BCR: variants seen among roughly 807,000 people sequenced by gnomAD.
The protein encoded by BCR is breakpoint cluster region protein.
In BCR, 58 loss-of-function variants were observed where a neutral mutation model predicts 138.6. The ratio of observed to expected loss-of-function variants is 0.42; its 90% confidence interval spans 0.34 to 0.52. The LOEUF (loss-of-function observed/expected upper bound fraction) is 0.52, where lower values mean the gene tolerates loss of function less well. Among genes scored for constraint, BCR ranks in the 20% least tolerant of loss-of-function variants. BCR has a pLI of 0.06. For synonymous variants in BCR, 786 were observed against 730.1 expected (o/e 1.08, Z -1.23); for missense variants, 1,599 against 1,727.2 (o/e 0.93, Z 1.32).
chr22:23,195,625 G>A (rs907874702), intron 1 of BCR, among the ~76,000 whole-genome samples: 1 of 151,996 alleles, frequency 6.6e-6, no homozygotes. Flanking sequence ...GGTGGCTCGC[G>A]CCTGTAATCC....
chr22:23,297,998 T>G (rs78797680), intron 16 of BCR, among the ~76,000 whole-genome samples: 1 of 152,138 alleles, frequency 6.6e-6, no homozygotes, highest in African/African-American at 2.4e-5. Context: ...GAGCAGTAAG[T>G]GTCGAAGAAA....
At chr22:23,294,993 A>C in intron 15 of BCR, 31 bp from the exon 16 acceptor site, 2 of 1,611,806 alleles carry the variant, frequency 1.2e-6, no homozygotes, top group Non-Finnish European at 1.7e-6. Flanking sequence ...GTTTGTTCAC[A>C]CTGGACTTCC....
intron 4 of BCR, chr22:23,264,361 C>T (rs901861054): frequency 4.0e-5 from 37 of 936,634 alleles, no homozygotes; most frequent in Middle Eastern, 3.0e-4. Flanking sequence ...AACCCGTGAC[C>T]GTCAGGGCCA....
chr22:23,285,512 G>A (rs2073701690), intron 10 of BCR, among the ~76,000 whole-genome samples: 1 of 152,192 alleles, frequency 6.6e-6, no homozygotes, highest in Non-Finnish European at 1.5e-5. Flanking sequence ...AGACCTGGTG[G>A]ACTGCCTCAT....
intron 1 of BCR, among the ~76,000 whole-genome samples, chr22:23,219,048 G>A (rs28742008): frequency 0.067 from 10,267 of 152,264 alleles, 1,182 homozygotes; most frequent in African/African-American, 0.23. Flanking sequence ...CTGCCATGCC[G>A]CTGCCCTAAT....
chr22:23,263,171 G>C lies in BCR; in HGVS notation c.1752+1631G>C. ...CAGCCAGGGAGGAGGAGGAGGAGGC[G>C]GCTCGGGAGTCAGCCGCCTGCCCGG... On this transcript the variant is annotated intron_variant, in intron 4 of 22. Transcript: ENST00000305877. 3.7e-6 allele frequency: 3 copies of C among 810,168 alleles called. No individual in the cohort carries two copies. In the South Asian group the frequency reaches 5.4e-5, roughly 15 times the overall value. 50.2% of individuals were successfully genotyped at this position (810,168 alleles called of 1,614,324 possible). A position where few individuals can be genotyped will look rare whatever the true frequency, so the allele number is the denominator to read the frequency against.
intron 4 of BCR, chr22:23,263,583 C>T: frequency 6.4e-7 from 1 of 1,551,250 alleles, no homozygotes; most frequent in East Asian, 2.2e-5. Flanking sequence ...CCGTCAGCCT[C>T]TGGGAGTCTG....
intron 1 of BCR, among the ~76,000 whole-genome samples, chr22:23,186,738 G>A (rs1212027334): frequency 1.3e-5 from 2 of 151,870 alleles, no homozygotes; most frequent in Non-Finnish European, 1.5e-5. Context: ...TTTTTTAATG[G>A]AGTTTCACTC....
intron 4 of BCR, among the ~76,000 whole-genome samples, chr22:23,267,612 G>T (rs914595473): frequency 1.3e-5 from 2 of 152,216 alleles, no homozygotes; most frequent in Non-Finnish European, 2.9e-5. Context: ...GCCCTGACCA[G>T]TGCATCTCCT....
chr22:23,264,809 A>C (rs1275413908), intron 4 of BCR: 2 of 152,522 alleles, frequency 1.3e-5, no homozygotes, highest in African/African-American at 2.4e-5. Context: ...CGCTTGACCA[A>C]CCTCTCGGGG....
intron 1 of BCR, among the ~76,000 whole-genome samples, chr22:23,195,728 A>G (rs2146204464): frequency 6.6e-6 from 1 of 152,088 alleles, no homozygotes; most frequent in Middle Eastern, 3.4e-3. Context: ...CTCTACTAAA[A>G]ATACAAAAAA....
At chr22:23,242,075 G>A (rs1051857456) in intron 1 of BCR, among the ~76,000 whole-genome samples, 15 of 152,152 alleles carry the variant, frequency 9.9e-5, no homozygotes, top group African/African-American at 3.6e-4. Flanking sequence ...ATTAACAAGA[G>A]AAAAGCACAC....
chr22:23,290,280 T>C (rs1028886031), intron 13 of BCR, 59 bp from the exon 14 acceptor site: 1 of 1,531,758 alleles, frequency 6.5e-7, no homozygotes, highest in African/African-American at 1.4e-5. Context: ...AGAGTTAGCT[T>C]GTCACCTGCC....
intron 1 of BCR, among the ~76,000 whole-genome samples, chr22:23,185,520 C>A (rs1276434762): frequency 6.6e-6 from 1 of 151,660 alleles, no homozygotes; most frequent in Non-Finnish European, 1.5e-5. Context: ...AAAAAATTAG[C>A]CGGGTGTGGT....
Position 23,216,075 on chromosome 22 carries a change from G to A in BCR, c.1279+33836G>A, listed in dbSNP as rs544747721. On this transcript the variant is annotated intron_variant, in intron 1 of 22. Coordinates refer to ENST00000305877, the MANE Select transcript of BCR (RefSeq NM_004327.4). Reference sequence around the variant, plus strand: ...TTGAGTGTTTCGGAGGAAGCTGTGGGCACGTTTTATGGATAGGTGCTCCGA... The same window carrying A: ...TTGAGTGTTTCGGAGGAAGCTGTGGACACGTTTTATGGATAGGTGCTCCGA... Among the ~76,000 whole-genome samples the A allele has an allele frequency of 1.2e-4, 18 of 152,274 alleles. No individual in the cohort carries two copies. The East Asian group carries it at 1.9e-3, about 16-fold the overall frequency.
At position 23,289,628 on chromosome 22, in the gene BCR, C is replaced by CT. The variant is rs771054679; in HGVS notation, c.2707+7_2707+8insT. 3 of 1,610,862 alleles carry CT rather than the reference C, an allele frequency of 1.9e-6. No individual in the cohort carries two copies. The highest frequency in any genetic ancestry group is 2.2e-5 in the South Asian group (2 of 90,970). Reference sequence around the variant, plus strand: ...CTGACCATCAATAAGGAAGGTGGGCCCCCCCGTTTCCGTGTACAGGGCACC... The same window carrying CT: ...CTGACCATCAATAAGGAAGGTGGGCCTCCCCCGTTTCCGTGTACAGGGCACC... On this transcript the variant is annotated splice_region_variant and intron_variant, in intron 13 of 22. Transcript: ENST00000305877.
intron 1 of BCR, chr22:23,250,941 C>G (rs1237370334): frequency 1.3e-5 from 2 of 152,212 alleles, no homozygotes; most frequent in African/African-American, 4.8e-5. Flanking sequence ...AGGGATTACA[C>G]CACAGCTCAC....
chr22:23,262,691 T>C (rs1027508242), intron 4 of BCR: 1 of 719,750 alleles, frequency 1.4e-6, no homozygotes, highest in African/African-American at 1.9e-5. Flanking sequence ...CCGCCGGGAA[T>C]GGCGGGCCCG....
At chr22:23,233,047 G>A (rs1169327558) in intron 1 of BCR, among the ~76,000 whole-genome samples, 1 of 152,242 alleles carries the variant, frequency 6.6e-6, no homozygotes, top group Non-Finnish European at 1.5e-5. Flanking sequence ...TTGGATAGAA[G>A]CATCTTTCCA....
Sources: allele counts gnomAD v4.1 joint callset (sites outside exome capture counted in the v4.1 genomes callset), GRCh38; gene constraint gnomAD v4.1.1; transcripts MANE v1.5; gene names NCBI Gene and HGNC (gene_info 2026-07-23, HGNC 2026-07-21).